The following EFR3B variants were observed in gnomAD, a reference collection of about 807,000 sequenced individuals.
EFR3B encodes the protein EFR3 homolog B.
A neutral mutation model predicts 104.7 loss-of-function variants in EFR3B; 64 were observed. That is an observed-to-expected ratio of 0.61 (90% CI 0.50 to 0.75). The LOEUF is 0.75. Among genes scored for constraint, EFR3B ranks in the 30% least tolerant of loss-of-function variants. The pLI is 0.00. For synonymous variants in EFR3B, 385 were observed against 417.9 expected (o/e 0.92, Z 0.96); for missense variants, 750 against 1,078.5 (o/e 0.70, Z 4.27).
intron 1 of EFR3B, chr2:25,080,078 C>T: frequency 1.1e-6 from 1 of 900,314 alleles, no homozygotes; most frequent in Admixed American, 1.7e-5. Context: ...GTAACCCCCA[C>T]AACAGGTATT....
intron 4 of EFR3B, among the ~76,000 whole-genome samples, chr2:25,104,749 C>T (rs1336519107): frequency 6.6e-6 from 1 of 152,226 alleles, no homozygotes; most frequent in African/African-American, 2.4e-5. Context: ...GCCCTTCCCT[C>T]GCTGTGAAGC....
chr2:25,092,121 T>G (rs1006741786), intron 2 of EFR3B, among the ~76,000 whole-genome samples: 2 of 151,290 alleles, frequency 1.3e-5, no homozygotes, highest in Non-Finnish European at 2.9e-5. Context: ...CAGGCTGGGG[T>G]GCAGTGGCGC....
intron 1 of EFR3B, among the ~76,000 whole-genome samples, chr2:25,082,816 T>G (rs1425461193): frequency 6.6e-6 from 1 of 152,032 alleles, no homozygotes; most frequent in African/African-American, 2.4e-5. Context: ...AATGTGTCCA[T>G]TGGTAAAAAG....
At chr2:25,098,614 C>G (rs1010334166) in intron 3 of EFR3B, among the ~76,000 whole-genome samples, 1 of 152,096 alleles carries the variant, frequency 6.6e-6, no homozygotes, top group Non-Finnish European at 1.5e-5. Flanking sequence ...CTTCCAAGGT[C>G]CCATTGACTT....
chr2:25,146,326 CT>C lies in EFR3B; in HGVS notation c.2142+1276del, dbSNP rs537382354. 3.3e-5 allele frequency: 5 copies of C among 152,206 alleles called. No individual in the cohort carries two copies. In the South Asian group the frequency reaches 1.0e-3, roughly 32 times the overall value. 9.4% of individuals were successfully genotyped at this position (152,206 alleles called of 1,614,324 possible). A position where few individuals can be genotyped will look rare whatever the true frequency, so the allele number is the denominator to read the frequency against. On this transcript the variant is annotated intron_variant, in intron 19 of 22. Transcript: ENST00000403714. ...CTAGGGGTCAGGATCAAGCCTCCCCCTAACTGTGCCCTCGACCACTTCATTT... is the reference window on the plus strand; with the variant it reads ...CTAGGGGTCAGGATCAAGCCTCCCCCAACTGTGCCCTCGACCACTTCATTT...
intron 1 of EFR3B, among the ~76,000 whole-genome samples, chr2:25,063,790 C>T (rs2149170739): frequency 1.3e-5 from 2 of 152,334 alleles, no homozygotes; most frequent in South Asian, 2.1e-4. Context: ...GGGTCACCCT[C>T]TCCAGGGGCC....
intron 1 of EFR3B, among the ~76,000 whole-genome samples, chr2:25,088,680 C>A (rs1669026725): frequency 6.6e-6 from 1 of 152,068 alleles, no homozygotes; most frequent in Non-Finnish European, 1.5e-5. Flanking sequence ...GTGGGATAGC[C>A]CTAGCCCTGT....
At chr2:25,073,146 A>G (rs1227449599) in intron 1 of EFR3B, among the ~76,000 whole-genome samples, 1 of 152,116 alleles carries the variant, frequency 6.6e-6, no homozygotes, top group Non-Finnish European at 1.5e-5. Flanking sequence ...TAAGAAATAG[A>G]ATGAAGAGGA....
At chr2:25,061,186 C>T (rs1164873528) in intron 1 of EFR3B, among the ~76,000 whole-genome samples, 2 of 150,038 alleles carry the variant, frequency 1.3e-5, no homozygotes, top group South Asian at 2.1e-4. Flanking sequence ...TGCAGTGGTG[C>T]AATCTTGGCT....
rs1668700273 is a variant in EFR3B at position 25,078,644 on chromosome 2, G to C, written c.8-12681G>C. On this transcript the variant is annotated intron_variant, in intron 1 of 22. Transcript: ENST00000403714. Reference sequence around the variant, plus strand: ...GAGGTCAGAAGAAAATGAGACCTAGGAATTTACAGTTTATCTTGGGAGAAG... The same window carrying C: ...GAGGTCAGAAGAAAATGAGACCTAGCAATTTACAGTTTATCTTGGGAGAAG... Among the ~76,000 whole-genome samples, 4 of 152,154 alleles carry C rather than the reference G, an allele frequency of 2.6e-5. 1 individual carries two copies. The highest frequency in any genetic ancestry group is 1.3e-4 in the Admixed American group (2 of 15,284).
intron 1 of EFR3B, among the ~76,000 whole-genome samples, chr2:25,056,724 C>G (rs1439251384): frequency 1.3e-5 from 2 of 152,002 alleles, no homozygotes; most frequent in African/African-American, 4.8e-5. Context: ...ACAGTAAGCA[C>G]GTCTGACCAT....
chr2:25,103,676 C>T lies in EFR3B; in HGVS notation c.252C>T (p.Leu84=), dbSNP rs1669484171. 1.9e-6 allele frequency: 3 copies of T among 1,551,688 alleles called. No homozygotes were observed. Among genetic ancestry groups the T allele is most frequent in the Non-Finnish European group, 2.6e-6 (3 of 1,146,958 alleles). ...CTATGGAGGCTTTGGACCAGCTGCT[C>T]ATGGCCTGCCACTGCCAGAGCATCA... ...CIAMEALDQL[L]MACHCQSINL... The change falls in exon 4 of 23, where the codon CTC becomes CTT. Residue 84 remains leucine (L), a synonymous_variant. Coordinates refer to ENST00000403714, the MANE Select transcript of EFR3B (RefSeq NM_014971.2).
At position 25,130,439 on chromosome 2, in the gene EFR3B, C is replaced by T. The variant is rs1371114363; in HGVS notation, c.771-113C>T. ...GCCCTTCAGGCTTCACTTCCTCACC[C>T]GGGAACTGTGCGAGGGGCTCTGAGA... On this transcript the variant is annotated intron_variant, in intron 7 of 22. Coordinates refer to ENST00000403714, the MANE Select transcript of EFR3B (RefSeq NM_014971.2). This position sits in a 1 kb window ranked among gnomAD's most constrained non-coding sequence, Gnocchi z 4.6. 15 of 1,004,800 alleles carry T rather than the reference C, an allele frequency of 1.5e-5. No homozygotes were observed. Among genetic ancestry groups the T allele is most frequent in the South Asian group, 5.6e-5 (4 of 70,930 alleles). 62.2% of individuals were successfully genotyped at this position (1,004,800 alleles called of 1,614,324 possible). A position where few individuals can be genotyped will look rare whatever the true frequency, so the allele number is the denominator to read the frequency against.
In EFR3B at chr2:25,131,065, T is replaced by G. The variant is rs1168114873; in HGVS notation, c.850-303T>G. On this transcript the variant is annotated intron_variant, in intron 8 of 22. Coordinates refer to ENST00000403714, the MANE Select transcript of EFR3B (RefSeq NM_014971.2). The surrounding 1 kb of genome is among the most constrained non-coding windows in gnomAD (Gnocchi z 7.6). Reference sequence around the variant, plus strand: ...ACTAAGCCATGTGGCCTCCCGTGGCTCTTGCCGGAAAGACCTGAAGAAATG... The same window carrying G: ...ACTAAGCCATGTGGCCTCCCGTGGCGCTTGCCGGAAAGACCTGAAGAAATG... Among the ~76,000 whole-genome samples, 1 of 152,024 alleles carries G rather than the reference T, an allele frequency of 6.6e-6. No homozygotes were observed. Among genetic ancestry groups the G allele is most frequent in the African/African-American group, 2.4e-5 (1 of 41,362 alleles).
At chr2:25,109,515 C>T (rs1292164980) in intron 4 of EFR3B, among the ~76,000 whole-genome samples, 1 of 152,284 alleles carries the variant, frequency 6.6e-6, no homozygotes. Flanking sequence ...GCAATTCTGC[C>T]GGGTATATAC....
chr2:25,097,442 C>T (rs1669310500), intron 3 of EFR3B, among the ~76,000 whole-genome samples: 1 of 152,114 alleles, frequency 6.6e-6, no homozygotes, highest in Non-Finnish European at 1.5e-5. Context: ...GCTGTGTCTC[C>T]CTGCCGTGAT....
chr2:25,087,748 C>G (rs1198115721), intron 1 of EFR3B, among the ~76,000 whole-genome samples: 2 of 152,224 alleles, frequency 1.3e-5, no homozygotes, highest in Non-Finnish European at 2.9e-5. Context: ...GCCAGGATTA[C>G]AGGCTTGAGC....
chr2:25,053,846 G>A (rs1325420625), intron 1 of EFR3B, among the ~76,000 whole-genome samples: 1 of 152,202 alleles, frequency 6.6e-6, no homozygotes, highest in Non-Finnish European at 1.5e-5. Context: ...GGCAGAGGTT[G>A]CAGTGAGCCA....
intron 1 of EFR3B, among the ~76,000 whole-genome samples, chr2:25,050,137 A>G (rs995802675): frequency 1.3e-5 from 2 of 151,980 alleles, no homozygotes; most frequent in Non-Finnish European, 2.9e-5. Context: ...TCTGAAAAAA[A>G]AAAAAATAGA....
Sources: gnomAD v4.1 joint callset for allele counts (sites outside exome capture counted in the v4.1 genomes callset) on GRCh38, gnomAD v4.1.1 for gene constraint, Gnocchi (gnomAD v3.1) non-coding constraint, MANE v1.5 for transcripts, NCBI Gene and HGNC (gene_info 2026-07-23, HGNC 2026-07-21) for gene names.